Variants in CADM1 observed in about 807,000 individuals in gnomAD.
CADM1 encodes TSLC-1.
In CADM1, 15 loss-of-function variants were observed where a neutral mutation model predicts 53.1. The observed-to-expected ratio is 0.28, with a 90% CI of 0.19 to 0.44. The LOEUF (loss-of-function observed/expected upper bound fraction) is 0.44, where lower values mean the gene tolerates loss of function less well. Among genes scored for constraint, CADM1 ranks in the 20% least tolerant of loss-of-function variants. The probability of loss-of-function intolerance (pLI) is 1.00; values close to 1 mark genes in which losing one functional copy is unlikely to be tolerated. For missense variants in CADM1, 434 were observed against 611.3 expected (o/e 0.71, Z 3.06); for synonymous variants, 281 against 243.0 (o/e 1.16, Z -1.45).
intron 1 of CADM1, among the ~76,000 whole-genome samples, chr11:115,291,035 T>G (rs1223974480): frequency 2.0e-5 from 3 of 152,138 alleles, no homozygotes; most frequent in African/African-American, 7.2e-5. Flanking sequence ...GCCTTCAAGA[T>G]AGCGTAGTGC....
At chr11:115,393,047 A>C (rs1946878999) in intron 1 of CADM1, among the ~76,000 whole-genome samples, 1 of 139,000 alleles carries the variant, frequency 7.2e-6, no homozygotes, top group Non-Finnish European at 1.5e-5. Context: ...TGGGCAACAT[A>C]GCGAGACCCC....
chr11:115,235,901 T>C (rs1026818490), intron 3 of CADM1, among the ~76,000 whole-genome samples: 6 of 152,178 alleles, frequency 3.9e-5, no homozygotes, highest in Admixed American at 6.5e-5. Flanking sequence ...CTACGGTATG[T>C]TCTGGAGAAA....
Position 115,360,867 on chromosome 11 carries a change from TTA to T in CADM1, c.125-120449_125-120448del, listed in dbSNP as rs374745075. On this transcript the variant is annotated intron_variant, in intron 1 of 11. Transcript: ENST00000331581. ...CTACTCATAAAATACAGCAAGAATT[TTA>T]TTTTATGTTTTTTAAGATTTTAACT... is the stretch of plus-strand genomic sequence containing the variant. Among the ~76,000 whole-genome samples the T allele has an allele frequency of 9.5e-3, 1,188 of 125,628 alleles. 16 individuals carry two copies. The highest frequency in any genetic ancestry group is 0.028 in the African/African-American group (1,062 of 38,258). 82.4% of individuals were successfully genotyped at this position (125,628 alleles called of 152,430 possible). A position where few individuals can be genotyped will look rare whatever the true frequency, so the allele number is the denominator to read the frequency against.
intron 1 of CADM1, among the ~76,000 whole-genome samples, chr11:115,488,146 C>T (rs45538033): frequency 6.6e-6 from 1 of 152,108 alleles, no homozygotes; most frequent in Non-Finnish European, 1.5e-5. Context: ...CTCACAATGC[C>T]TAAGAAATGC....
At chr11:115,303,512 T>C (rs975508289) in intron 1 of CADM1, among the ~76,000 whole-genome samples, 5 of 152,124 alleles carry the variant, frequency 3.3e-5, no homozygotes, top group Admixed American at 6.6e-5. Context: ...GATAGTTTTA[T>C]AGTGTTTGTT....
chr11:115,278,787 G>C (rs1403409892), intron 1 of CADM1, among the ~76,000 whole-genome samples: 1 of 152,174 alleles, frequency 6.6e-6, no homozygotes, highest in Non-Finnish European at 1.5e-5. Flanking sequence ...ACCAGGGAGG[G>C]AGGAGCAGCA....
At chr11:115,434,307 C>T (rs1203865736) in intron 1 of CADM1, among the ~76,000 whole-genome samples, 3 of 152,142 alleles carry the variant, frequency 2.0e-5, no homozygotes. Context: ...ACTCTTTGGT[C>T]CCTAATGCTT....
At chr11:115,294,753 C>G (rs551960337) in intron 1 of CADM1, among the ~76,000 whole-genome samples, 30 of 738 alleles carry the variant, frequency 0.041, no homozygotes, top group African/African-American at 0.17. Context: ...TATGTCAGCT[C>G]AGCTGGGCGC....
chr11:115,230,734 T>C (rs1366641279), intron 4 of CADM1, among the ~76,000 whole-genome samples: 2 of 152,152 alleles, frequency 1.3e-5, no homozygotes, highest in African/African-American at 4.8e-5. Context: ...ACAGCCTGCA[T>C]AAGAACAGAC....
In CADM1 at chr11:115,169,905, T is replaced by C; in HGVS notation, c.*6569A>G. 1 of 250,502 alleles carries C rather than the reference T, an allele frequency of 4.0e-6. No individual in the cohort carries two copies. The highest frequency in any genetic ancestry group is 4.6e-5 in the South Asian group (1 of 21,696). 15.5% of individuals were successfully genotyped at this position (250,502 alleles called of 1,614,324 possible). On this transcript the variant is annotated 3_prime_UTR_variant, in exon 12 of 12. Transcript: ENST00000331581. ...TTCAGCAACCATTAAGGGATTTAAATATTTGCTTGCTATTAAAGGCCTGCA... is the reference window on the plus strand; with the variant it reads ...TTCAGCAACCATTAAGGGATTTAAACATTTGCTTGCTATTAAAGGCCTGCA...
Position 115,173,775 on chromosome 11 carries a change from A to T in CADM1, c.*2699T>A, listed in dbSNP as rs1938887595. 1.0e-6 allele frequency: 1 copy of T among 984,034 alleles called. No homozygotes were observed. Among genetic ancestry groups the T allele is most frequent in the African/African-American group, 1.8e-5 (1 of 57,116 alleles). The allele number at this position is 984,034 out of a possible 1,614,324, so 61.0% of individuals were successfully genotyped here. A position where few individuals can be genotyped will look rare whatever the true frequency, so the allele number is the denominator to read the frequency against. ...GATATGGAGTTTCTTACACTGTAACATTGTCCATGTACACCTTAAAAACAG... is the reference window on the plus strand; with the variant it reads ...GATATGGAGTTTCTTACACTGTAACTTTGTCCATGTACACCTTAAAAACAG... On this transcript the variant is annotated 3_prime_UTR_variant, in exon 12 of 12. Transcript: ENST00000331581.
chr11:115,191,177 C>T (rs899823800), intron 9 of CADM1: 10 of 490,162 alleles, frequency 2.0e-5, no homozygotes, highest in African/African-American at 1.7e-4. Flanking sequence ...GGACATGAAA[C>T]ATGAAGGTGA....
At chr11:115,410,166 A>G (rs138635936) in intron 1 of CADM1, among the ~76,000 whole-genome samples, 252 of 152,368 alleles carry the variant, frequency 1.7e-3, no homozygotes, top group African/African-American at 6.0e-3. Flanking sequence ...ACTCAAATCA[A>G]CTATGACCTG....
At chr11:115,498,440 C>T (rs2135441443) in intron 1 of CADM1, among the ~76,000 whole-genome samples, 1 of 152,316 alleles carries the variant, frequency 6.6e-6, no homozygotes, top group East Asian at 1.9e-4. Context: ...TACAGAAGTC[C>T]TCACATGGAC....
chr11:115,303,420 T>C (rs1040586307), intron 1 of CADM1, among the ~76,000 whole-genome samples: 3 of 152,040 alleles, frequency 2.0e-5, no homozygotes, highest in Admixed American at 1.3e-4. Flanking sequence ...AGCACTTATC[T>C]GGTTGTGAAA....
At chr11:115,297,602 T>G (rs990218027) in intron 1 of CADM1, among the ~76,000 whole-genome samples, 1 of 152,238 alleles carries the variant, frequency 6.6e-6, no homozygotes, top group Non-Finnish European at 1.5e-5. Context: ...ATGCAATTCC[T>G]GAATCGTTAC....
At chr11:115,494,621 C>A (rs370908089) in intron 1 of CADM1, among the ~76,000 whole-genome samples, 2 of 152,088 alleles carry the variant, frequency 1.3e-5, no homozygotes, top group South Asian at 4.1e-4. Flanking sequence ...TGACTGAGTA[C>A]ATCCTGAATT....
chr11:115,262,900 T>C (rs1352101556), intron 1 of CADM1, among the ~76,000 whole-genome samples: 4 of 152,180 alleles, frequency 2.6e-5, no homozygotes, highest in Non-Finnish European at 4.4e-5. Context: ...ATCCACCTTC[T>C]CCTAATGTTA....
chr11:115,212,081 T>A (rs575321460), intron 7 of CADM1, among the ~76,000 whole-genome samples: 5 of 152,082 alleles, frequency 3.3e-5, no homozygotes, highest in Non-Finnish European at 7.4e-5. Context: ...CTTCAGTGCT[T>A]AGATCATTTC....
Sources: allele counts gnomAD v4.1 joint callset (sites outside exome capture counted in the v4.1 genomes callset), GRCh38; gene constraint gnomAD v4.1.1; transcripts MANE v1.5; gene names NCBI Gene and HGNC (gene_info 2026-07-23, HGNC 2026-07-21).